COL23A1: variants seen among roughly 807,000 people sequenced by gnomAD.
COL23A1 encodes collagen alpha-1(XXIII) chain.
A neutral mutation model predicts 99.3 loss-of-function variants in COL23A1; 97 were observed. That is an observed-to-expected ratio of 0.98 (90% CI 0.83 to 1.16). The LOEUF is 1.16. COL23A1 is among the 50% of genes most tolerant of loss of function. The pLI is 0.00. For missense variants in COL23A1, 762 were observed against 757.4 expected (o/e 1.01, Z -0.07); for synonymous variants, 320 against 308.2 (o/e 1.04, Z -0.40).
At chr5:178,585,109 A>G (rs1382796353) in intron 1 of COL23A1, among the ~76,000 whole-genome samples, 1 of 152,174 alleles carries the variant, frequency 6.6e-6, no homozygotes. Context: ...GCAGAGCCCC[A>G]GGGGAGGCAG....
intron 2 of COL23A1, among the ~76,000 whole-genome samples, chr5:178,557,083 C>A (rs772939898): frequency 6.6e-6 from 1 of 152,352 alleles, no homozygotes; most frequent in South Asian, 2.1e-4. Flanking sequence ...GCGGGGCGGG[C>A]TCCTCAGGGA....
chr5:178,586,934 T>C (rs1258696097), intron 1 of COL23A1, among the ~76,000 whole-genome samples: 1 of 152,224 alleles, frequency 6.6e-6, no homozygotes, highest in Non-Finnish European at 1.5e-5. Flanking sequence ...TACTCGAGTC[T>C]CTGGGCTTTT....
At chr5:178,328,391 C>CAA (rs965144263) in intron 2 of COL23A1, among the ~76,000 whole-genome samples, 3 of 152,334 alleles carry the variant, frequency 2.0e-5, no homozygotes, top group Non-Finnish European at 4.4e-5. Context: ...ACTAGAGGAA[C>CAA]AAAACCAAAG....
At chr5:178,252,776 C>T (rs1346739760) in intron 16 of COL23A1, among the ~76,000 whole-genome samples, 179 bp from the exon 17 acceptor site, 2 of 152,236 alleles carry the variant, frequency 1.3e-5, no homozygotes, top group Non-Finnish European at 2.9e-5. Flanking sequence ...CTTTATCTGG[C>T]CTCCCAGGCT....
chr5:178,561,788 A>G (rs1762572207), intron 1 of COL23A1: 1 of 192,160 alleles, frequency 5.2e-6, no homozygotes, highest in African/African-American at 2.3e-5. Flanking sequence ...CAAACATTAA[A>G]CAGTATTTTT....
chr5:178,328,112 T>C (rs77586435), intron 2 of COL23A1, among the ~76,000 whole-genome samples: 5,157 of 152,198 alleles, frequency 0.034, 138 homozygotes, highest in South Asian at 0.11. Context: ...CCAGCCTCCC[T>C]GCCTGGGTGC....
chr5:178,491,251 C>T (rs1012103605), intron 2 of COL23A1, among the ~76,000 whole-genome samples: 4 of 152,084 alleles, frequency 2.6e-5, no homozygotes, highest in East Asian at 1.9e-4. Flanking sequence ...CCCTCATCCT[C>T]GTGGCCATCT....
intron 2 of COL23A1, among the ~76,000 whole-genome samples, chr5:178,339,614 G>A (rs1324824978): frequency 6.6e-6 from 1 of 152,182 alleles, no homozygotes; most frequent in African/African-American, 2.4e-5. Context: ...GAAAATAAGA[G>A]AAAAATGATG....
chr5:178,298,657 C>CTAGCT (rs1757874798), intron 3 of COL23A1, among the ~76,000 whole-genome samples: 1 of 152,158 alleles, frequency 6.6e-6, no homozygotes, highest in African/African-American at 2.4e-5. Context: ...TCCCATTCAG[C>CTAGCT]CAGCTCAGGT....
At chr5:178,358,501 GTATATGTGTGTA>G (rs1761953603) in intron 2 of COL23A1, among the ~76,000 whole-genome samples, 1 of 118,826 alleles carries the variant, frequency 8.4e-6, no homozygotes, top group Non-Finnish European at 1.9e-5. Context: ...GTGTATGCGT[GTATATGTGTGTA>G]TGTGTGTATG....
At chr5:178,361,602 C>A (rs116041637) in intron 2 of COL23A1, among the ~76,000 whole-genome samples, 4 of 152,086 alleles carry the variant, frequency 2.6e-5, no homozygotes, top group Non-Finnish European at 4.4e-5. Flanking sequence ...CATACACCCC[C>A]CTACAGGACT....
chr5:178,401,143 G>A (rs1764424761), intron 2 of COL23A1, among the ~76,000 whole-genome samples: 1 of 152,180 alleles, frequency 6.6e-6, no homozygotes, highest in Non-Finnish European at 1.5e-5. Context: ...TTAGCATAAT[G>A]TCCTCAAGAT....
At chr5:178,297,678 G>A (rs1329419545) in intron 3 of COL23A1, among the ~76,000 whole-genome samples, 2 of 152,156 alleles carry the variant, frequency 1.3e-5, no homozygotes, top group Admixed American at 6.5e-5. Flanking sequence ...GTCAGCCCCC[G>A]GAAAGGCACT....
At position 178,283,186 on chromosome 5, in the gene COL23A1, G is replaced by A. The variant is rs1224424835; in HGVS notation, c.441+5138C>T. Among the ~76,000 whole-genome samples, 9 of 152,020 alleles carry A rather than the reference G, an allele frequency of 5.9e-5. No individual in the cohort carries two copies. In the East Asian group the frequency reaches 9.6e-4, roughly 16 times the overall value. On this transcript the variant is annotated intron_variant, in intron 5 of 28. Transcript: ENST00000390654. ...CAGGCGTGAGCCACCGCGCCCGGCCGGGACAAGTGATTTCTATAAACACAG... is the reference window on the plus strand; with the variant it reads ...CAGGCGTGAGCCACCGCGCCCGGCCAGGACAAGTGATTTCTATAAACACAG...
chr5:178,420,526 T>TC, intron 2 of COL23A1, among the ~76,000 whole-genome samples: 1 of 53,180 alleles, frequency 1.9e-5, no homozygotes, highest in South Asian at 1.4e-3. Flanking sequence ...CTCCTCCCCC[T>TC]CCTCACTTTC....
At chr5:178,461,448 G>A (rs1013638450) in intron 2 of COL23A1, among the ~76,000 whole-genome samples, 3 of 152,232 alleles carry the variant, frequency 2.0e-5, no homozygotes, top group African/African-American at 7.2e-5. Context: ...GGCCTGGTTA[G>A]CCACAGGGAG....
At position 178,434,475 on chromosome 5, in the gene COL23A1, C is replaced by T. The variant is rs1766442684; in HGVS notation, c.361+126207G>A. Among the ~76,000 whole-genome samples, 1 of 152,216 alleles carries T rather than the reference C, an allele frequency of 6.6e-6. No individual in the cohort carries two copies. Among genetic ancestry groups the T allele is most frequent in the African/African-American group, 2.4e-5 (1 of 41,454 alleles). ...AGGCATGGACTCTCACATGTCTGAACCTCACACCTCATCTGTAAAATGGTG... is the reference window on the plus strand; with the variant it reads ...AGGCATGGACTCTCACATGTCTGAATCTCACACCTCATCTGTAAAATGGTG... On this transcript the variant is annotated intron_variant, in intron 2 of 28. Transcript: ENST00000390654. This position sits in a 1 kb window ranked among gnomAD's most constrained non-coding sequence, Gnocchi z 4.3.
intron 2 of COL23A1, among the ~76,000 whole-genome samples, chr5:178,550,247 A>G (rs964111114): frequency 5.3e-5 from 8 of 152,232 alleles, no homozygotes; most frequent in Admixed American, 2.6e-4. Context: ...AGAAAATTTA[A>G]CCTTTTAAGC....
At chr5:178,467,065 G>A (rs58799667) in intron 2 of COL23A1, among the ~76,000 whole-genome samples, 3,146 of 152,342 alleles carry the variant, frequency 0.021, 129 homozygotes, top group African/African-American at 0.072. Flanking sequence ...TACAACTGCT[G>A]TTACGACGAG....
Sources: gnomAD v4.1 joint callset for allele counts (sites outside exome capture counted in the v4.1 genomes callset) on GRCh38, gnomAD v4.1.1 for gene constraint, Gnocchi (gnomAD v3.1) non-coding constraint, MANE v1.5 for transcripts, NCBI Gene and HGNC (gene_info 2026-07-23, HGNC 2026-07-21) for gene names.